Variants in SMCHD1 observed in about 807,000 individuals in gnomAD.
SMCHD1 encodes the protein structural maintenance of chromosomes flexible hinge domain-containing protein 1.
In SMCHD1, 78 loss-of-function variants were observed where a neutral mutation model predicts 254.7. The observed-to-expected ratio is 0.31, with a 90% confidence interval of 0.26 to 0.37. SMCHD1 has a LOEUF of 0.37. Among genes scored for constraint, SMCHD1 ranks in the 10% least tolerant of loss-of-function variants. SMCHD1 has a pLI of 1.00. For missense variants in SMCHD1, 1,840 were observed against 2,408.1 expected, an observed-to-expected ratio of 0.76 and a Z score of 4.94; for synonymous variants, 766 against 794.9, an observed-to-expected ratio of 0.96 and a Z score of 0.61.
intron 17 of SMCHD1, among the ~76,000 whole-genome samples, chr18:2,708,902 ATATAT>A (rs199737468): frequency 0.086 from 5,872 of 68,148 alleles, 1,104 homozygotes; most frequent in Non-Finnish European, 0.11. Flanking sequence ...ATATATATAT[ATATAT>A]AACATATTAA....
At chr18:2,800,915 G>A (rs1479593595) in intron 47 of SMCHD1, 1 of 152,124 alleles carries the variant, frequency 6.6e-6, no homozygotes, top group Non-Finnish European at 1.5e-5. Context: ...ATTTAGTAAA[G>A]AGACTAGACC....
intron 23 of SMCHD1, 123 bp from the exon 24 acceptor site, chr18:2,729,152 T>A: frequency 1.4e-6 from 1 of 721,422 alleles, no homozygotes; most frequent in Non-Finnish European, 2.0e-6. Context: ...GACTTTTACT[T>A]AGAATTTTCT....
intron 42 of SMCHD1, 26 bp downstream of exon 42, chr18:2,775,950 T>G (rs781592314): frequency 6.6e-7 from 1 of 1,518,456 alleles, no homozygotes; most frequent in East Asian, 2.4e-5. Flanking sequence ...AAGTAATTTT[T>G]TTTCTGAAAT....
At chr18:2,762,376 A>G in intron 36 of SMCHD1, 140 bp downstream of exon 36, 2 of 617,200 alleles carry the variant, frequency 3.2e-6, no homozygotes, top group South Asian at 5.2e-5. Flanking sequence ...TGAATTAAAT[A>G]TTTATAAATA....
intron 30 of SMCHD1, among the ~76,000 whole-genome samples, chr18:2,748,430 A>G (rs1222590495): frequency 0.031 from 6 of 196 alleles, 1 homozygote; most frequent in Non-Finnish European, 0.086. Flanking sequence ...TCTCGCTGCA[A>G]CGCCCCAGGC....
intron 26 of SMCHD1, 25 bp downstream of exon 26, chr18:2,738,570 A>G (rs1231493307): frequency 4.4e-6 from 7 of 1,577,380 alleles, no homozygotes; most frequent in Non-Finnish European, 6.0e-6. Context: ...TATATTTTGC[A>G]GCCTATGGCA....
chr18:2,711,783 G>C (rs960870542), intron 17 of SMCHD1, among the ~76,000 whole-genome samples: 1 of 152,176 alleles, frequency 6.6e-6, no homozygotes, highest in African/African-American at 2.4e-5. Flanking sequence ...CGCCCGGCCT[G>C]GATGTTTGTC....
intron 45 of SMCHD1, chr18:2,784,876 C>T: frequency 2.0e-6 from 1 of 504,072 alleles, no homozygotes; most frequent in Non-Finnish European, 3.8e-6. Flanking sequence ...ACTCAGGAGG[C>T]TAAGACAAGA....
At chr18:2,787,515 A>G (rs902785543) in intron 45 of SMCHD1, among the ~76,000 whole-genome samples, 4 of 145,098 alleles carry the variant, frequency 2.8e-5, no homozygotes, top group African/African-American at 4.9e-5. Flanking sequence ...TACAGTCTCT[A>G]CAATGAGTGA....
intron 1 of SMCHD1, among the ~76,000 whole-genome samples, chr18:2,660,950 T>G (rs1460768698): frequency 6.6e-6 from 1 of 152,162 alleles, no homozygotes; most frequent in Non-Finnish European, 1.5e-5. Context: ...GATGATCAAC[T>G]GGATAAAGAT....
At chr18:2,693,911 G>A (rs1408501110) in intron 7 of SMCHD1, among the ~76,000 whole-genome samples, 3 of 152,186 alleles carry the variant, frequency 2.0e-5, no homozygotes, top group Admixed American at 6.5e-5. Context: ...GATTACGGGA[G>A]TGAGCTACCA....
At chr18:2,752,425 A>G in intron 33 of SMCHD1, 63 bp from the exon 34 acceptor site, 2 of 1,036,446 alleles carry the variant, frequency 1.9e-6, no homozygotes, top group Non-Finnish European at 3.0e-6. Flanking sequence ...CTTTCCTCCT[A>G]AGTATACTAT....
chr18:2,738,541 G>A lies in SMCHD1; in HGVS notation c.3421G>A (p.Val1141Ile), dbSNP rs367884971. The change falls in exon 26 of 48, where the codon GTA (valine) becomes ATA (isoleucine). Residue 1141 changes from valine to isoleucine, a missense_variant. Physicochemically the swap from Val to Ile is conservative, Grantham distance 29 (BLOSUM62 3). Around this residue, in one of 9 missense-constraint regions of SMCHD1, gnomAD observed 881 missense variants for 1,009.5 expected, o/e 0.87. Coordinates refer to ENST00000320876, the MANE Select transcript of SMCHD1 (RefSeq NM_015295.3). Reference sequence around the variant, plus strand: ...TGTGTCTTTGGAAAGTGCGTTTACAGTAAGGTTTGTGGACTCATTATATTT... The same window carrying A: ...TGTGTCTTTGGAAAGTGCGTTTACAATAAGGTTTGTGGACTCATTATATTT... ...DHVSLESAFTVRPLPDEPKHL... is the reference protein window; with the variant it reads ...DHVSLESAFTIRPLPDEPKHL... 5.0e-6 allele frequency: 8 copies of A among 1,610,644 alleles called. No individual in the cohort carries two copies. Among genetic ancestry groups the A allele is most frequent in the African/African-American group, 4.0e-5 (3 of 74,836 alleles).
At chr18:2,669,480 C>A (rs1427005877) in intron 3 of SMCHD1, among the ~76,000 whole-genome samples, 1 of 152,168 alleles carries the variant, frequency 6.6e-6, no homozygotes, top group African/African-American at 2.4e-5. Flanking sequence ...ATTATAAGCA[C>A]CTTGATTTTC....
chr18:2,744,039 A>G, intron 29 of SMCHD1, 111 bp downstream of exon 29: 1 of 892,244 alleles, frequency 1.1e-6, no homozygotes, highest in Admixed American at 3.2e-5. Flanking sequence ...AACAACTAAC[A>G]GTTGTTAACA....
At chr18:2,684,597 A>ATTGATATGTTTAGATTT (rs1266779607) in intron 5 of SMCHD1, among the ~76,000 whole-genome samples, 1 of 151,622 alleles carries the variant, frequency 6.6e-6, no homozygotes, top group African/African-American at 2.4e-5. Flanking sequence ...TAATTGGATT[A>ATTGATATGTTTAGATTT]TTGATATGTT....
chr18:2,760,782 T>G, intron 35 of SMCHD1, 43 bp downstream of exon 35: 1 of 1,172,236 alleles, frequency 8.5e-7, no homozygotes, highest in South Asian at 1.4e-5. Flanking sequence ...CTTTACATTT[T>G]CTTTTTTTTT....
intron 44 of SMCHD1, chr18:2,778,970 T>C (rs2076111255): frequency 6.6e-6 from 1 of 152,212 alleles, no homozygotes; most frequent in African/African-American, 2.4e-5. Flanking sequence ...TAATGAGTTA[T>C]CTCAATTGAT....
chr18:2,738,286 T>C, intron 25 of SMCHD1, 111 bp from the exon 26 acceptor site: 1 of 1,002,762 alleles, frequency 1.0e-6, no homozygotes, highest in South Asian at 2.0e-5. Context: ...GAGACTTTTT[T>C]CTTGGGGGTG....
Sources: allele counts gnomAD v4.1 joint callset (sites outside exome capture counted in the v4.1 genomes callset), GRCh38; gene constraint gnomAD v4.1.1; regional missense constraint gnomAD v4.1.1; transcripts MANE v1.5; gene names NCBI Gene and HGNC (gene_info 2026-07-23, HGNC 2026-07-21).